GREM2: variants seen among roughly 807,000 people sequenced by gnomAD.
GREM2 encodes the protein gremlin-2.
In GREM2, 11 loss-of-function variants were observed where a neutral mutation model predicts 14.2. The observed-to-expected ratio is 0.78, with a 90% CI of 0.49 to 1.28. The LOEUF is 1.28. GREM2 is among the 50% of genes most tolerant of loss of function. The pLI, the probability that GREM2 is intolerant of heterozygous loss-of-function variation, is 0.00. For missense variants in GREM2, 210 were observed against 218.5 expected, an observed-to-expected ratio of 0.96 and a Z score of 0.24; for synonymous variants, 98 against 97.6, an observed-to-expected ratio of 1.00 and a Z score of -0.02.
At chr1:240,557,164 T>A (rs1678964254) in intron 1 of GREM2, among the ~76,000 whole-genome samples, 1 of 148,478 alleles carries the variant, frequency 6.7e-6, no homozygotes. Flanking sequence ...TAAGACTCTG[T>A]CTCCATAAAA....
At chr1:240,494,770 G>A (rs961961592) in intron 1 of GREM2, among the ~76,000 whole-genome samples, 9 of 152,016 alleles carry the variant, frequency 5.9e-5, no homozygotes, top group East Asian at 1.9e-4. Context: ...GCGTGGTGGC[G>A]GGCGCCTGTA....
At chr1:240,567,919 G>C (rs1272969879) in intron 1 of GREM2, among the ~76,000 whole-genome samples, 3 of 152,104 alleles carry the variant, frequency 2.0e-5, no homozygotes, top group Non-Finnish European at 4.4e-5. Context: ...GACCAGCCTG[G>C]CCAACATGGT....
chr1:240,529,345 A>G (rs957117698), intron 1 of GREM2, among the ~76,000 whole-genome samples: 9 of 149,850 alleles, frequency 6.0e-5, no homozygotes, highest in African/African-American at 2.3e-4. Flanking sequence ...GGAAATGACA[A>G]CAGGGAATGG....
At chr1:240,565,966 C>A (rs560085497) in intron 1 of GREM2, among the ~76,000 whole-genome samples, 1 of 152,130 alleles carries the variant, frequency 6.6e-6, no homozygotes, top group Admixed American at 6.5e-5. Flanking sequence ...AAAAGAGACC[C>A]CTGCATGGTC....
intron 1 of GREM2, among the ~76,000 whole-genome samples, chr1:240,594,795 A>AT (rs1201603996): frequency 1.3e-5 from 2 of 152,010 alleles, no homozygotes; most frequent in Non-Finnish European, 1.5e-5. Context: ...GTTTTTAGAG[A>AT]TTTCATCCTT....
intron 1 of GREM2, among the ~76,000 whole-genome samples, chr1:240,512,043 C>A (rs1331206489): frequency 6.6e-6 from 1 of 152,204 alleles, no homozygotes; most frequent in East Asian, 1.9e-4. Context: ...TCTCTCTGTA[C>A]ACTTGTCAAA....
chr1:240,493,397 C>G lies in GREM2; in HGVS notation c.79G>C (p.Ala27Pro). 6.2e-7 allele frequency: 1 copy of G among 1,613,566 alleles called. No individual in the cohort carries two copies. Among genetic ancestry groups the G allele is most frequent in the Non-Finnish European group, 8.5e-7 (1 of 1,179,914 alleles). Residue 27 changes from alanine to proline, a missense_variant, in exon 2 of 2, where the codon GCG (alanine) becomes CCG (proline). By Grantham distance (27) the Ala-to-Pro change is conservative (BLOSUM62 -1). Coordinates refer to ENST00000318160, the MANE Select transcript of GREM2 (RefSeq NM_022469.4). ...KVAEARKNRP[A>P]GAIPSPYKDG... ...TTGTAAGGCGAGGGGATGGCGCCCGCCGGCCGGTTCTTCCGGGCTTCCGCC... is the reference window on the plus strand; with the variant it reads ...TTGTAAGGCGAGGGGATGGCGCCCGGCGGCCGGTTCTTCCGGGCTTCCGCC...
chr1:240,490,046 A>G lies in GREM2; in HGVS notation c.*2923T>C, dbSNP rs920591327. 1.3e-5 allele frequency: 2 copies of G among 152,236 alleles called. No homozygotes were observed. The highest frequency in any genetic ancestry group is 4.8e-5 in the African/African-American group (2 of 41,462). 9.4% of individuals were successfully genotyped at this position (152,236 alleles called of 1,614,324 possible). A position where few individuals can be genotyped will look rare whatever the true frequency, so the allele number is the denominator to read the frequency against. The stretch of plus-strand genomic sequence containing the variant: ...TAATAGAAAAATGGAGATGCTATAA[A>G]CTAAGAAATATTTAAATTAAGAAAT... On this transcript the variant is annotated 3_prime_UTR_variant, in exon 2 of 2. Transcript: ENST00000318160.
intron 1 of GREM2, among the ~76,000 whole-genome samples, chr1:240,571,271 T>C (rs1426853438): frequency 6.6e-6 from 1 of 152,236 alleles, no homozygotes; most frequent in Non-Finnish European, 1.5e-5. Context: ...TCTAGGTTTA[T>C]TCTAAAAGAC....
Position 240,573,940 on chromosome 1 carries a change from G to C in GREM2, c.-2+37944C>G, listed in dbSNP as rs147415137. ...AGATAGGTTTGTTTTGTTTTGTTTT[G>C]ACGAACTCTCACACTCTCGCCCTGG... On this transcript the variant is annotated intron_variant, in intron 1 of 1. Coordinates refer to ENST00000318160, the MANE Select transcript of GREM2 (RefSeq NM_022469.4). 3.1e-3 allele frequency among the ~76,000 whole-genome samples: 468 copies of C among 152,154 alleles called. 4 individuals are homozygous for C. Among genetic ancestry groups the C allele is most frequent in the African/African-American group, 0.011 (436 of 41,520 alleles).
rs1011643903 is a variant in GREM2, at chr1:240,546,344, A to G, written c.-1-52868T>C. On this transcript the variant is annotated intron_variant, in intron 1 of 1. Transcript: ENST00000318160. ...ACAGAGTAAGGGAGACTCAGTCTAA[A>G]AAAAAAAAAAACAAAGAAAGAAAAT... Among the ~76,000 whole-genome samples, 22 of 42,072 alleles carry G rather than the reference A, an allele frequency of 5.2e-4. No individual in the cohort carries two copies. The African/African-American group carries it at 6.8e-3, about 13-fold the overall frequency. The allele number at this position is 42,072 out of a possible 152,430, so 27.6% of individuals were successfully genotyped here.
At chr1:240,563,548 T>C (rs1011800433) in intron 1 of GREM2, among the ~76,000 whole-genome samples, 1 of 152,232 alleles carries the variant, frequency 6.6e-6, no homozygotes, top group Non-Finnish European at 1.5e-5. Flanking sequence ...ATAGGGTTGC[T>C]ACCTTTTGTC....
At chr1:240,531,200 G>C (rs1414767451) in intron 1 of GREM2, among the ~76,000 whole-genome samples, 1 of 152,162 alleles carries the variant, frequency 6.6e-6, no homozygotes, top group Non-Finnish European at 1.5e-5. Context: ...CAGCCATATA[G>C]CTTTTTCCCC....
chr1:240,493,522 T>G, intron 1 of GREM2, 46 bp from the exon 2 acceptor site: 1 of 1,501,320 alleles, frequency 6.7e-7, no homozygotes, highest in South Asian at 1.4e-5. Context: ...GGCCGTAGAG[T>G]ACGGGATCAA....
intron 1 of GREM2, among the ~76,000 whole-genome samples, chr1:240,506,901 G>A (rs1677686104): frequency 6.6e-6 from 1 of 152,198 alleles, no homozygotes; most frequent in Non-Finnish European, 1.5e-5. Flanking sequence ...GATGGGGCTA[G>A]GGGTGAAGGA....
chr1:240,554,116 G>T (rs1447067726), intron 1 of GREM2, among the ~76,000 whole-genome samples: 1 of 151,950 alleles, frequency 6.6e-6, no homozygotes. Flanking sequence ...TATTAGTAAA[G>T]ACGAGGTCTC....
At chr1:240,496,920 G>A (rs1000288907) in intron 1 of GREM2, among the ~76,000 whole-genome samples, 15 of 151,980 alleles carry the variant, frequency 9.9e-5, no homozygotes, top group African/African-American at 3.6e-4. Context: ...ACTCAGGAGG[G>A]TGAGGCAGGA....
At position 240,571,884 on chromosome 1, in the gene GREM2, G is replaced by A. The variant is rs560603591; in HGVS notation, c.-2+40000C>T. 1.4e-3 allele frequency among the ~76,000 whole-genome samples: 207 copies of A among 152,120 alleles called. 1 individual carries two copies. Among genetic ancestry groups the A allele is most frequent in the Middle Eastern group, 6.8e-3 (2 of 294 alleles). Reference sequence around the variant, plus strand: ...CTGCTGATTTTGTTTGAGCACCAAGGAAATAAAGAAGCCAAACGCCAGAGC... The same window carrying A: ...CTGCTGATTTTGTTTGAGCACCAAGAAAATAAAGAAGCCAAACGCCAGAGC... On this transcript the variant is annotated intron_variant, in intron 1 of 1. Transcript: ENST00000318160.
intron 1 of GREM2, among the ~76,000 whole-genome samples, chr1:240,519,942 T>C (rs1678041012): frequency 6.6e-6 from 1 of 152,034 alleles, no homozygotes; most frequent in Admixed American, 6.6e-5. Flanking sequence ...TAGCTGGGCG[T>C]GGTGGCGCAT....
Sources: allele counts gnomAD v4.1 joint callset (sites outside exome capture counted in the v4.1 genomes callset), GRCh38; gene constraint gnomAD v4.1.1; transcripts MANE v1.5; gene names NCBI Gene and HGNC (gene_info 2026-07-23, HGNC 2026-07-21).